The following SPNS2 variants were observed in gnomAD, a reference collection of about 807,000 sequenced individuals.
SPNS2 encodes the protein SPNS lysolipid transporter 2, sphingosine-1-phosphate.
A neutral mutation model predicts 57.6 loss-of-function variants in SPNS2; 37 were observed. That is an observed-to-expected ratio of 0.64 (90% CI 0.49 to 0.85). The LOEUF (loss-of-function observed/expected upper bound fraction) is 0.85, where lower values mean the gene tolerates loss of function less well. SPNS2 is among the 40% of genes least tolerant of loss of function. SPNS2 has a pLI of 0.00. For missense variants in SPNS2, 831 were observed against 779.1 expected, an observed-to-expected ratio of 1.07 and a Z score of -0.79; for synonymous variants, 440 against 346.9, an observed-to-expected ratio of 1.27 and a Z score of -2.98.
At chr17:4,521,569 C>T (rs774556134) in intron 2 of SPNS2, among the ~76,000 whole-genome samples, 26 of 152,222 alleles carry the variant, frequency 1.7e-4, no homozygotes, top group African/African-American at 2.4e-4. Context: ...GGCATGTTGG[C>T]GCTGGCTCAG....
intron 1 of SPNS2, among the ~76,000 whole-genome samples, chr17:4,504,628 G>A (rs1904625526): frequency 6.6e-6 from 1 of 152,232 alleles, no homozygotes. Flanking sequence ...AATAGGAAGT[G>A]GCTTTTGTTT....
In SPNS2 at chr17:4,537,488, C is replaced by T. The variant is rs1197097615; in HGVS notation, c.*40C>T. 1 of 456,664 alleles carries T rather than the reference C, an allele frequency of 2.2e-6. No homozygotes were observed. Among genetic ancestry groups the T allele is most frequent in the East Asian group, 6.9e-5 (1 of 14,392 alleles). 28.3% of individuals were successfully genotyped at this position (456,664 alleles called of 1,614,324 possible). A position where few individuals can be genotyped will look rare whatever the true frequency, so the allele number is the denominator to read the frequency against. On this transcript the variant is annotated 3_prime_UTR_variant, in exon 13 of 13. Coordinates refer to ENST00000329078, the MANE Select transcript of SPNS2 (RefSeq NM_001124758.3). Reference sequence around the variant, plus strand: ...GACAATGAAGAACCCACACTCCCACCTCGTCTGGGAGGTGTCCTACAGCGT... The same window carrying T: ...GACAATGAAGAACCCACACTCCCACTTCGTCTGGGAGGTGTCCTACAGCGT...
rs1359999117 is a variant in SPNS2 at position 4,532,477 on chromosome 17, C to T, written c.793-65C>T. ...GAGAAGGCATGGGCTTGCCTGAGTC[C>T]CTCCTTCTGCAGCAGGGACGAGGCT... On this transcript the variant is annotated intron_variant, in intron 5 of 12. Transcript: ENST00000329078. The T allele has an allele frequency of 4.3e-6, 7 of 1,611,360 alleles. No homozygotes were observed. The Admixed American group carries it at 1.0e-4, about 23-fold the overall frequency.
chr17:4,499,674 G>T lies in SPNS2; in HGVS notation c.370+257G>T. On this transcript the variant is annotated intron_variant, in intron 1 of 12. Coordinates refer to ENST00000329078, the MANE Select transcript of SPNS2 (RefSeq NM_001124758.3). The surrounding 1 kb of genome is among the most constrained non-coding windows in gnomAD (Gnocchi z 5.2). ...TCCCCACCCCTGGAGCAGCCCGCGC[G>T]TCCTCTCCAGCCCTTGACGGCCCAT... is the stretch of plus-strand genomic sequence containing the variant. 1 of 343,656 alleles carries T rather than the reference G, an allele frequency of 2.9e-6. No individual in the cohort carries two copies. 21.3% of individuals were successfully genotyped at this position (343,656 alleles called of 1,614,324 possible). A position where few individuals can be genotyped will look rare whatever the true frequency, so the allele number is the denominator to read the frequency against.
At position 4,506,125 on chromosome 17, in the gene SPNS2, A is replaced by T. The variant is rs542164554; in HGVS notation, c.370+6708A>T. ...GGTGCAGGTGGGGAACACAGGCCAG[A>T]TGTGGGAGCCTGGGGACCAGCTCGG... is the stretch of plus-strand genomic sequence containing the variant. On this transcript the variant is annotated intron_variant, in intron 1 of 12. Transcript: ENST00000329078. Among the ~76,000 whole-genome samples, 6 of 152,222 alleles carry T rather than the reference A, an allele frequency of 3.9e-5. No individual in the cohort carries two copies. The East Asian group carries it at 9.7e-4, about 25-fold the overall frequency.
intron 3 of SPNS2, among the ~76,000 whole-genome samples, chr17:4,527,695 T>C (rs1057434589): frequency 2.0e-5 from 3 of 152,016 alleles, no homozygotes; most frequent in African/African-American, 7.2e-5. Context: ...AACAATGAGA[T>C]CCCATTTCAC....
Position 4,533,090 on chromosome 17 carries a change from C to T in SPNS2, c.1049C>T (p.Ala350Val), listed in dbSNP as rs780956983. 6 of 1,612,846 alleles carry T rather than the reference C, an allele frequency of 3.7e-6. No individual in the cohort carries two copies. The highest frequency in any genetic ancestry group is 3.3e-5 in the South Asian group (3 of 91,014). Reference protein sequence around the residue: ...LHRAQVVQKTAETCNSPPCGA... With the variant: ...LHRAQVVQKTVETCNSPPCGA... ...CGCGCCCAAGTTGTGCAGAAGACAG[C>T]AGAGACGTGCAACAGCCCGCCCTGT... The change falls in exon 7 of 13, where the codon GCA becomes GTA. Residue 350 changes from alanine (A) to valine (V), a missense_variant. Ala to Val is a moderately conservative substitution (Grantham distance 64). Transcript: ENST00000329078.
chr17:4,536,975 G>C (rs768041869), intron 12 of SPNS2, 29 bp downstream of exon 12: 2 of 1,609,772 alleles, frequency 1.2e-6, no homozygotes, highest in Non-Finnish European at 1.7e-6. Context: ...GCACGTGGGG[G>C]CTCCCTAAGG....
intron 1 of SPNS2, among the ~76,000 whole-genome samples, chr17:4,505,485 G>A (rs1333898954): frequency 6.6e-6 from 1 of 152,242 alleles, no homozygotes; most frequent in Non-Finnish European, 1.5e-5. Flanking sequence ...TAGTCAGGCA[G>A]TCCCTGTCTA....
intron 5 of SPNS2, among the ~76,000 whole-genome samples, chr17:4,531,429 C>T (rs1320731397): frequency 3.9e-5 from 6 of 152,130 alleles, no homozygotes; most frequent in Non-Finnish European, 7.4e-5. Flanking sequence ...CAGGAAATTC[C>T]AGGTCCATGG....
intron 3 of SPNS2, among the ~76,000 whole-genome samples, chr17:4,527,771 C>T (rs934699718): frequency 1.5e-4 from 23 of 152,086 alleles, no homozygotes; most frequent in Admixed American, 1.5e-3. Context: ...TGTGGGGAAT[C>T]GGGGACTCCA....
chr17:4,528,949 T>C (rs1481751266), intron 3 of SPNS2, among the ~76,000 whole-genome samples: 1 of 151,612 alleles, frequency 6.6e-6, no homozygotes, highest in East Asian at 1.9e-4. Context: ...TTTCTTTTTT[T>C]TTTTTGAAAT....
intron 2 of SPNS2, among the ~76,000 whole-genome samples, chr17:4,522,827 TGGGAC>T (rs2144343162): frequency 6.6e-6 from 1 of 152,360 alleles, no homozygotes; most frequent in African/African-American, 2.4e-5. Context: ...TCATCCCACC[TGGGAC>T]CTCCAAGGCC....
At chr17:4,525,036 C>T in intron 2 of SPNS2, 21 bp from the exon 3 acceptor site, 2 of 1,610,148 alleles carry the variant, frequency 1.2e-6, no homozygotes, top group Non-Finnish European at 1.7e-6. Flanking sequence ...GGCCCCCCCT[C>T]AAGCTCTCCT....
intron 10 of SPNS2, 42 bp downstream of exon 10, chr17:4,536,216 G>C: frequency 6.2e-7 from 1 of 1,608,580 alleles, no homozygotes; most frequent in Non-Finnish European, 8.5e-7. Flanking sequence ...CAGGCTGGGG[G>C]ACTGCAGGAG....
Position 4,499,404 on chromosome 17 carries a change from G to A in SPNS2, c.357G>A (p.Arg119=). The A allele has an allele frequency of 7.4e-7, 1 of 1,349,876 alleles. No individual in the cohort carries two copies. The highest frequency in any genetic ancestry group is 9.5e-7 in the Non-Finnish European group (1 of 1,048,960). 83.6% of individuals were successfully genotyped at this position (1,349,876 alleles called of 1,614,324 possible). A position where few individuals can be genotyped will look rare whatever the true frequency, so the allele number is the denominator to read the frequency against. Residue 119 remains arginine, a synonymous_variant, in exon 1 of 13, where the codon AGG becomes AGA. Transcript: ENST00000329078. The surrounding 1 kb of genome is among the most constrained non-coding windows in gnomAD (Gnocchi z 5.2). The part of the protein sequence containing the change: ...SLGNVLNYLD[R]YTVAGVLLDI... ...GCAACGTGCTCAACTACCTGGACAG[G>A]TACACCGTGGCAGGTGAGCGAGTGC...
intron 1 of SPNS2, among the ~76,000 whole-genome samples, chr17:4,508,450 T>C (rs919328529): frequency 5.9e-5 from 9 of 152,212 alleles, no homozygotes; most frequent in African/African-American, 2.2e-4. Context: ...ATTGGGATTC[T>C]CAGGCAGGTT....
rs753884969 is a variant in SPNS2 at position 4,499,280 on chromosome 17, C to G, written c.233C>G (p.Pro78Arg). ...GGACCCCCCGGCACCCCCGGCACCCCCGGCTGCGCAGCTACTGCAAAGGGC... is the reference window on the plus strand; with the variant it reads ...GGACCCCCCGGCACCCCCGGCACCCGCGGCTGCGCAGCTACTGCAAAGGGC... ...PTGPPGTPGT[P>R]GCAATAKGPG... Residue 78 changes from proline (P) to arginine (R), a missense_variant, in exon 1 of 13, where the codon CCC becomes CGC. By Grantham distance (103) the Pro-to-Arg change is moderately radical (BLOSUM62 -2). This residue lies in a region of SPNS2 where 305 missense variants were observed against 378.3 expected (regional missense o/e 0.81). Coordinates refer to ENST00000329078, the MANE Select transcript of SPNS2 (RefSeq NM_001124758.3). This position sits in a 1 kb window ranked among gnomAD's most constrained non-coding sequence, Gnocchi z 5.2. The G allele has an allele frequency of 8.1e-6, 12 of 1,490,394 alleles. No individual in the cohort carries two copies. Among genetic ancestry groups the G allele is most frequent in the Non-Finnish European group, 1.1e-5 (12 of 1,127,108 alleles). 92.3% of individuals were successfully genotyped at this position (1,490,394 alleles called of 1,614,324 possible).
In SPNS2 at chr17:4,538,909, T is replaced by G. The variant is rs776490578; in HGVS notation, c.*1461T>G. On this transcript the variant is annotated 3_prime_UTR_variant, in exon 13 of 13. Coordinates refer to ENST00000329078, the MANE Select transcript of SPNS2 (RefSeq NM_001124758.3). The stretch of plus-strand genomic sequence containing the variant: ...ACAAGAACCAGGTCCGAGTGTTGCC[T>G]CCTCTTCCTTCCGGAAGCCAAACTG... 6 of 781,550 alleles carry G rather than the reference T, an allele frequency of 7.7e-6. No individual in the cohort carries two copies. The highest frequency in any genetic ancestry group is 4.8e-5 in the East Asian group (2 of 41,246). The allele number at this position is 781,550 out of a possible 1,614,324, so 48.4% of individuals were successfully genotyped here.
Sources: gnomAD v4.1 joint callset for allele counts (sites outside exome capture counted in the v4.1 genomes callset) on GRCh38, gnomAD v4.1.1 for gene constraint, gnomAD v4.1.1 regional missense constraint, Gnocchi (gnomAD v3.1) non-coding constraint, MANE v1.5 for transcripts, NCBI Gene and HGNC (gene_info 2026-07-23, HGNC 2026-07-21) for gene names.